Variants in TTC6 observed in about 807,000 individuals in gnomAD.
TTC6 encodes tetratricopeptide repeat protein 6.
A neutral mutation model predicts 210.4 loss-of-function variants in TTC6; 172 were observed. The observed-to-expected ratio is 0.82, with a 90% CI of 0.72 to 0.93. The LOEUF (loss-of-function observed/expected upper bound fraction) is 0.93. Among genes scored for constraint, TTC6 ranks in the 40% least tolerant of loss-of-function variants. The pLI is 0.00. For missense variants in TTC6, 2,414 were observed against 2,318.1 expected, an observed-to-expected ratio of 1.04 and a Z score of -0.85; for synonymous variants, 804 against 819.6, an observed-to-expected ratio of 0.98 and a Z score of 0.32.
At chr14:37,787,921 GTGTT>G (rs1443136220) in intron 15 of TTC6, among the ~76,000 whole-genome samples, 1 of 144,560 alleles carries the variant, frequency 6.9e-6, no homozygotes, top group Admixed American at 6.9e-5. Flanking sequence ...GTGTGTGTGT[GTGTT>G]AACTGTGGCA....
intron 29 of TTC6, among the ~76,000 whole-genome samples, chr14:37,839,548 C>T (rs1009783235): frequency 2.6e-5 from 4 of 151,960 alleles, no homozygotes; most frequent in African/African-American, 7.3e-5. Flanking sequence ...GGATATTAGC[C>T]GTTTTGTCAG....
At chr14:37,792,367 C>T in exon 17 of TTC6, 3 of 1,529,982 alleles carry the variant, frequency 2.0e-6, no homozygotes, top group Non-Finnish European at 2.6e-6. Context: ...TAGAATTGAT[C>T]CTTTATGTAT....
At chr14:37,604,968 T>C (rs936347453) in intron 1 of TTC6, among the ~76,000 whole-genome samples, 7 of 152,220 alleles carry the variant, frequency 4.6e-5, no homozygotes, top group African/African-American at 9.6e-5. Context: ...TCCCTAAAAG[T>C]TTCTTCCTGG....
chr14:37,770,122 A>T (rs1001814811), intron 14 of TTC6, among the ~76,000 whole-genome samples: 15 of 151,866 alleles, frequency 9.9e-5, no homozygotes, highest in Non-Finnish European at 1.9e-4. Flanking sequence ...TTTGAGTGAG[A>T]TTCTTAATCC....
intron 14 of TTC6, among the ~76,000 whole-genome samples, chr14:37,760,372 C>T (rs987355887): frequency 2.0e-5 from 3 of 152,178 alleles, no homozygotes; most frequent in Admixed American, 6.5e-5. Context: ...TCCTCAGGAA[C>T]CTTTGTCCCA....
At chr14:37,839,431 G>A (rs112625077) in intron 29 of TTC6, among the ~76,000 whole-genome samples, 9,273 of 152,234 alleles carry the variant, frequency 0.061, 826 homozygotes, top group African/African-American at 0.2. Flanking sequence ...TTTGTTGGCT[G>A]CATAAATGTC....
At chr14:37,769,463 A>T (rs1323217877) in intron 14 of TTC6, among the ~76,000 whole-genome samples, 2 of 152,120 alleles carry the variant, frequency 1.3e-5, no homozygotes, top group Non-Finnish European at 2.9e-5. Flanking sequence ...GCTATTGATT[A>T]TTGCCACAAT....
chr14:37,662,452 G>A (rs532239349), intron 1 of TTC6, among the ~76,000 whole-genome samples: 4 of 152,184 alleles, frequency 2.6e-5, no homozygotes, highest in African/African-American at 7.2e-5. Context: ...GATGAATTAC[G>A]TTTATTGATT....
intron 7 of TTC6, 66 bp from the exon 10 acceptor site, chr14:37,735,855 C>A: frequency 4.5e-6 from 4 of 890,614 alleles, no homozygotes; most frequent in Non-Finnish European, 5.1e-6. Flanking sequence ...TATGAAGTAA[C>A]AGTCATCATA....
chr14:37,736,056 C>A, intron 8 of TTC6, 46 bp downstream of exon 10: 1 of 978,052 alleles, frequency 1.0e-6, no homozygotes, highest in Non-Finnish European at 1.5e-6. Context: ...ACTCTATCTG[C>A]CTACAGTCCA....
chr14:37,752,812 T>A (rs1286166474), intron 13 of TTC6, among the ~76,000 whole-genome samples: 1 of 152,076 alleles, frequency 6.6e-6, no homozygotes, highest in African/African-American at 2.4e-5. Flanking sequence ...GTTGAACAAT[T>A]CACTTATGAA....
At chr14:37,780,155 G>C (rs1200236806) in intron 14 of TTC6, among the ~76,000 whole-genome samples, 1 of 152,172 alleles carries the variant, frequency 6.6e-6, no homozygotes, top group Admixed American at 6.5e-5. Context: ...AAATTAATTA[G>C]TAATATTTTT....
At chr14:37,683,052 C>A in intron 3 of TTC6, 88 bp downstream of exon 5, 1 of 1,187,574 alleles carries the variant, frequency 8.4e-7, no homozygotes, top group Non-Finnish European at 1.2e-6. Flanking sequence ...CAAGGACCAA[C>A]GTATGGGGCT....
chr14:37,779,508 A>G (rs965522389), intron 14 of TTC6, among the ~76,000 whole-genome samples: 6 of 152,180 alleles, frequency 3.9e-5, no homozygotes, highest in African/African-American at 1.2e-4. Flanking sequence ...ATTGGTCTCT[A>G]TAGTGACTAC....
intron 14 of TTC6, among the ~76,000 whole-genome samples, chr14:37,783,203 G>A (rs2096059546): frequency 6.6e-6 from 1 of 152,168 alleles, no homozygotes; most frequent in African/African-American, 2.4e-5. Context: ...CAGAAGGAAG[G>A]GTACCAGCTC....
At chr14:37,817,614 G>A (rs572020102) in exon 26 of TTC6, 65 of 1,613,956 alleles carry the variant, frequency 4.0e-5, no homozygotes, top group East Asian at 8.9e-5. Flanking sequence ...CCGGACTAAC[G>A]GGAGCCTTTG....
chr14:37,741,749 TG>T (rs1445605471), intron 10 of TTC6, among the ~76,000 whole-genome samples: 1 of 152,192 alleles, frequency 6.6e-6, no homozygotes, highest in Middle Eastern at 3.2e-3. Context: ...ATTATGGCTG[TG>T]GAAAGTCACT....
rs561975200 is a variant in TTC6, at chr14:37,673,744, TG to T, written c.940-6404del. ...CTTTGGTTTCAGTGTCTGTGAAATT[TG>T]GGTGTCCTTTGGGTTTTACTGATCC... is the stretch of plus-strand genomic sequence containing the variant. On this transcript the variant is annotated intron_variant, in intron 1 of 30. Transcript: ENST00000553443. 1.4e-3 allele frequency among the ~76,000 whole-genome samples: 207 copies of T among 152,266 alleles called. 1 individual carries two copies. Among genetic ancestry groups the T allele is most frequent in the South Asian group, 2.5e-3 (12 of 4,832 alleles).
Position 37,667,170 on chromosome 14 carries a change from G to A in TTC6, c.940-12981G>A, listed in dbSNP as rs1393917649. On this transcript the variant is annotated intron_variant, in intron 1 of 30. Transcript: ENST00000553443. ...ACGGGCCCTAGGCACTGTGCCTACCGAGTCTACTGGGTAAGTCAGCCCTGC... is the reference window on the plus strand; with the variant it reads ...ACGGGCCCTAGGCACTGTGCCTACCAAGTCTACTGGGTAAGTCAGCCCTGC... Among the ~76,000 whole-genome samples the A allele has an allele frequency of 5.3e-5, 8 of 150,054 alleles. 2 individuals are homozygous for A. The highest frequency in any genetic ancestry group is 1.2e-4 in the Non-Finnish European group (8 of 66,962).
Sources: allele counts gnomAD v4.1 joint callset (sites outside exome capture counted in the v4.1 genomes callset), GRCh38; gene constraint gnomAD v4.1.1; transcripts MANE v1.5; gene names NCBI Gene and HGNC (gene_info 2026-07-23, HGNC 2026-07-21).